TIAM1: variants seen among roughly 807,000 people sequenced by gnomAD.
TIAM1 encodes TIAM Rac1 associated GEF 1, also known as rho guanine nucleotide exchange factor TIAM1.
In TIAM1, 65 loss-of-function variants were observed where a neutral mutation model predicts 163.5. That is an observed-to-expected ratio of 0.40 (90% CI 0.33 to 0.49). The LOEUF is 0.49. Among genes scored for constraint, TIAM1 ranks in the 20% least tolerant of loss-of-function variants. The pLI, the probability that TIAM1 is intolerant of heterozygous loss-of-function variation, is 0.77. For missense variants in TIAM1, 1,789 were observed against 2,044.7 expected (o/e 0.87, Z 2.41); for synonymous variants, 833 against 810.1 (o/e 1.03, Z -0.48).
chr21:31,455,346 A>C (rs2045054218), intron 2 of TIAM1, among the ~76,000 whole-genome samples: 1 of 151,492 alleles, frequency 6.6e-6, no homozygotes, highest in South Asian at 2.1e-4. Context: ...TTAAAGAATG[A>C]TAGCACAGAG....
chr21:31,200,294 G>A (rs962480974), intron 12 of TIAM1, among the ~76,000 whole-genome samples: 8 of 151,730 alleles, frequency 5.3e-5, no homozygotes, highest in African/African-American at 1.2e-4. Context: ...CCAAGATCGC[G>A]CCACTGCACT....
At chr21:31,543,332 G>A (rs777593396) in intron 1 of TIAM1, among the ~76,000 whole-genome samples, 28 of 152,218 alleles carry the variant, frequency 1.8e-4, no homozygotes, top group Non-Finnish European at 3.2e-4. Flanking sequence ...TGACCTGCGC[G>A]TCATGCGTGC....
intron 6 of TIAM1, among the ~76,000 whole-genome samples, chr21:31,240,542 T>G (rs1189609256): frequency 2.6e-5 from 4 of 152,106 alleles, no homozygotes; most frequent in African/African-American, 9.7e-5. Flanking sequence ...CCAAGGTAGA[T>G]CTCTACATCT....
At chr21:31,183,315 C>A (rs1475991525) in intron 14 of TIAM1, among the ~76,000 whole-genome samples, 1 of 152,172 alleles carries the variant, frequency 6.6e-6, no homozygotes, top group African/African-American at 2.4e-5. Context: ...AGGGAACGAC[C>A]ATGAACAAGC....
At chr21:31,162,966 G>A (rs2084004030) in intron 16 of TIAM1, among the ~76,000 whole-genome samples, 1 of 152,060 alleles carries the variant, frequency 6.6e-6, no homozygotes, top group Admixed American at 6.5e-5. Flanking sequence ...CAAAGCCCTG[G>A]AGCCTCTTCC....
intron 1 of TIAM1, among the ~76,000 whole-genome samples, chr21:31,474,959 T>C (rs778086366): frequency 2.6e-5 from 4 of 151,774 alleles, no homozygotes; most frequent in South Asian, 2.1e-4. Context: ...GGGAAGATAA[T>C]TGGAGACCCA....
intron 2 of TIAM1, among the ~76,000 whole-genome samples, chr21:31,430,675 A>C (rs1045327510): frequency 1.3e-5 from 2 of 152,186 alleles, no homozygotes; most frequent in Admixed American, 1.3e-4. Flanking sequence ...TTTGTTTTAG[A>C]ATTAAAATTC....
At chr21:31,496,712 C>T (rs2046666535) in intron 1 of TIAM1, among the ~76,000 whole-genome samples, 2 of 152,138 alleles carry the variant, frequency 1.3e-5, no homozygotes, top group Admixed American at 6.5e-5. Context: ...ACTCACCACT[C>T]ACTCACTGAC....
intron 2 of TIAM1, among the ~76,000 whole-genome samples, chr21:31,358,594 T>G (rs1230962481): frequency 6.6e-6 from 1 of 152,124 alleles, no homozygotes; most frequent in Non-Finnish European, 1.5e-5. Context: ...GGTGCCATAC[T>G]TGCCTTCCCT....
chr21:31,443,281 A>G (rs911279805), intron 2 of TIAM1, among the ~76,000 whole-genome samples: 3 of 152,176 alleles, frequency 2.0e-5, no homozygotes, highest in East Asian at 3.9e-4. Context: ...ATGAACAGAC[A>G]TATCAGGGCC....
chr21:31,233,023 G>A (rs547224274), intron 6 of TIAM1, among the ~76,000 whole-genome samples: 1 of 152,278 alleles, frequency 6.6e-6, no homozygotes, highest in African/African-American at 2.4e-5. Context: ...ATAAGATGAA[G>A]CTCAGGACTT....
chr21:31,400,972 T>C (rs1265891961), intron 2 of TIAM1, among the ~76,000 whole-genome samples: 1 of 151,978 alleles, frequency 6.6e-6, no homozygotes, highest in African/African-American at 2.4e-5. Flanking sequence ...GCTCCTGTAA[T>C]CCCAGCTACT....
At chr21:31,286,490 T>C (rs1353006323) in intron 2 of TIAM1, among the ~76,000 whole-genome samples, 1 of 152,064 alleles carries the variant, frequency 6.6e-6, no homozygotes, top group Admixed American at 6.6e-5. Flanking sequence ...GGAAGATCAC[T>C]TGAGCTCAGA....
chr21:31,126,288 A>G (rs113187788), intron 26 of TIAM1, among the ~76,000 whole-genome samples: 23,124 of 51,516 alleles, frequency 0.45, 5,081 homozygotes, highest in African/African-American at 0.64. Context: ...AATTAAAGTT[A>G]GCCAGACGTG....
chr21:31,400,700 T>C (rs1318304528), intron 2 of TIAM1, among the ~76,000 whole-genome samples: 3 of 152,180 alleles, frequency 2.0e-5, no homozygotes, highest in Admixed American at 6.5e-5. Context: ...TAGAAGCCTT[T>C]AGGTCTTGCC....
At chr21:31,323,756 G>A (rs1057443575) in intron 2 of TIAM1, among the ~76,000 whole-genome samples, 5 of 152,104 alleles carry the variant, frequency 3.3e-5, no homozygotes, top group African/African-American at 4.8e-5. Flanking sequence ...GCTAGAGCCC[G>A]GGAGGCAGAG....
chr21:31,172,749 T>C (rs1157471760), intron 15 of TIAM1, among the ~76,000 whole-genome samples: 1 of 151,998 alleles, frequency 6.6e-6, no homozygotes, highest in Non-Finnish European at 1.5e-5. Context: ...ACAACTGTAA[T>C]CCCAAACTCT....
chr21:31,440,269 A>G (rs149536956), intron 2 of TIAM1, among the ~76,000 whole-genome samples: 71 of 152,330 alleles, frequency 4.7e-4, no homozygotes, highest in African/African-American at 1.6e-3. Flanking sequence ...AGTCTCACTC[A>G]AAGGCTGTAT....
intron 2 of TIAM1, among the ~76,000 whole-genome samples, chr21:31,338,702 G>A (rs1160475479): frequency 2.6e-5 from 4 of 152,216 alleles, no homozygotes; most frequent in East Asian, 1.9e-4. Flanking sequence ...GTTGCACGGC[G>A]ACCTCTTGAT....
Sources: allele counts gnomAD v4.1 joint callset (sites outside exome capture counted in the v4.1 genomes callset), GRCh38; gene constraint gnomAD v4.1.1; transcripts MANE v1.5; gene names NCBI Gene and HGNC (gene_info 2026-07-23, HGNC 2026-07-21).